DOK5: variants seen among roughly 807,000 people sequenced by gnomAD.
DOK5 encodes the protein docking protein 5.
DOK5 carries 27 observed loss-of-function variants against 43.3 expected under a neutral mutation model. That is an observed-to-expected ratio of 0.62 (90% CI 0.46 to 0.86). The LOEUF (loss-of-function observed/expected upper bound fraction) is 0.86, where lower values mean the gene tolerates loss of function less well. Ranked by LOEUF, DOK5 falls within the 40% of genes least tolerant of loss-of-function variation. DOK5 has a pLI of 0.00. For missense variants in DOK5, 373 were observed against 392.9 expected (o/e 0.95, Z 0.43); for synonymous variants, 146 against 140.1 (o/e 1.04, Z -0.30).
At chr20:54,531,499 T>G (rs1244732478) in intron 1 of DOK5, among the ~76,000 whole-genome samples, 1 of 152,232 alleles carries the variant, frequency 6.6e-6, no homozygotes, top group Non-Finnish European at 1.5e-5. Flanking sequence ...TTCCAGGGCT[T>G]TGCAATATTC....
intron 4 of DOK5, 59 bp downstream of exon 4, chr20:54,588,865 A>C: frequency 6.3e-7 from 1 of 1,583,614 alleles, no homozygotes; most frequent in Non-Finnish European, 8.6e-7. Context: ...CCATATGATA[A>C]AACATAAGAC....
intron 6 of DOK5, among the ~76,000 whole-genome samples, chr20:54,628,521 G>C (rs1382116468): frequency 1.4e-5 from 2 of 147,156 alleles, no homozygotes; most frequent in Non-Finnish European, 3.0e-5. Context: ...AACCAGAACT[G>C]ATGCACAGGA....
intron 6 of DOK5, among the ~76,000 whole-genome samples, chr20:54,623,655 A>G (rs1433519239): frequency 1.3e-5 from 2 of 151,934 alleles, no homozygotes; most frequent in African/African-American, 2.4e-5. Flanking sequence ...TCTTGGCTCA[A>G]TGCAACCTCC....
intron 1 of DOK5, among the ~76,000 whole-genome samples, chr20:54,525,525 GGCT>G: frequency 6.6e-6 from 1 of 152,104 alleles, no homozygotes; most frequent in Non-Finnish European, 1.5e-5. Context: ...AGACACTTAA[GGCT>G]ACAGGTAAGA....
intron 1 of DOK5, among the ~76,000 whole-genome samples, chr20:54,508,442 A>T (rs1376738196): frequency 6.6e-6 from 1 of 150,608 alleles, no homozygotes; most frequent in Admixed American, 6.7e-5. Context: ...TGTCACACAT[A>T]CGAGATGGCA....
intron 2 of DOK5, among the ~76,000 whole-genome samples, chr20:54,559,743 A>G (rs1984838463): frequency 6.6e-6 from 1 of 152,170 alleles, no homozygotes; most frequent in Non-Finnish European, 1.5e-5. Flanking sequence ...AAATAAATTT[A>G]ATTCTAGGGA....
intron 2 of DOK5, among the ~76,000 whole-genome samples, chr20:54,582,253 A>AAG: frequency 6.6e-6 from 1 of 151,750 alleles, no homozygotes; most frequent in Non-Finnish European, 1.5e-5. Flanking sequence ...TGCTGAATTC[A>AAG]GTTTGCTAGT....
chr20:54,520,304 C>A (rs1983350812), intron 1 of DOK5, among the ~76,000 whole-genome samples: 1 of 152,132 alleles, frequency 6.6e-6, no homozygotes, highest in South Asian at 2.1e-4. Flanking sequence ...GCTCTGTGTT[C>A]AAAACACATC....
chr20:54,504,104 C>A (rs367994393), intron 1 of DOK5, among the ~76,000 whole-genome samples: 4 of 152,064 alleles, frequency 2.6e-5, no homozygotes, highest in Admixed American at 6.5e-5. Flanking sequence ...GAGCTTCCAG[C>A]GGGGAAGCTC....
chr20:54,522,163 G>A (rs1382581785), intron 1 of DOK5, among the ~76,000 whole-genome samples: 2 of 152,150 alleles, frequency 1.3e-5, no homozygotes, highest in African/African-American at 2.4e-5. Context: ...TGGAAGAATT[G>A]TCTTGGGCCA....
At chr20:54,595,028 A>T (rs1002150819) in intron 5 of DOK5, among the ~76,000 whole-genome samples, 5 of 151,948 alleles carry the variant, frequency 3.3e-5, no homozygotes, top group African/African-American at 1.2e-4. Context: ...GTGTGTGTGT[A>T]TGTGATGTAA....
Position 54,496,765 on chromosome 20 carries a change from C to CAAA in DOK5, c.66+20772_66+20774dup, listed in dbSNP as rs74179280. Among the ~76,000 whole-genome samples, 531 of 59,234 alleles carry CAAA rather than the reference C, an allele frequency of 9.0e-3. 12 individuals are homozygous for CAAA. Among genetic ancestry groups the CAAA allele is most frequent in the African/African-American group, 0.018 (353 of 19,924 alleles). The allele number at this position is 59,234 out of a possible 152,430, so 38.9% of individuals were successfully genotyped here. On this transcript the variant is annotated intron_variant, in intron 1 of 7. Coordinates refer to ENST00000262593, the MANE Select transcript of DOK5 (RefSeq NM_018431.5). ...TGGGCGACAGAGCAAGACTCCGTCTCAAAAAAAAAAAAAAAAAAAAAGAAA... is the reference window on the plus strand; with the variant it reads ...TGGGCGACAGAGCAAGACTCCGTCTCAAAAAAAAAAAAAAAAAAAAAAAAGAAA...
At chr20:54,635,122 A>G (rs1978760674) in intron 6 of DOK5, among the ~76,000 whole-genome samples, 1 of 152,248 alleles carries the variant, frequency 6.6e-6, no homozygotes, top group Non-Finnish European at 1.5e-5. Context: ...AAAACTGACC[A>G]GCATTAACAT....
intron 5 of DOK5, among the ~76,000 whole-genome samples, chr20:54,607,888 AAAC>A (rs1986521054): frequency 1.7e-5 from 2 of 117,626 alleles, no homozygotes; most frequent in Admixed American, 8.2e-5. Flanking sequence ...ATCTAAAACA[AAAC>A]AAAACAAAAC....
chr20:54,576,589 G>A (rs901659738), intron 2 of DOK5, among the ~76,000 whole-genome samples: 2 of 152,160 alleles, frequency 1.3e-5, no homozygotes, highest in Non-Finnish European at 2.9e-5. Flanking sequence ...GTTGTGTAAC[G>A]AGTGAAGATT....
chr20:54,616,784 C>CTTTTTTTTTTTT (rs550110589), intron 6 of DOK5, among the ~76,000 whole-genome samples: 1 of 105,758 alleles, frequency 9.5e-6, no homozygotes, highest in African/African-American at 3.9e-5. Flanking sequence ...TTTTTTTTTT[C>CTTTTTTTTTTTT]TTTTTTTTTT....
chr20:54,644,719 A>AC (rs1158595115), intron 7 of DOK5, among the ~76,000 whole-genome samples: 19 of 127,938 alleles, frequency 1.5e-4, no homozygotes, highest in African/African-American at 4.3e-4. Context: ...AAAAAAAAAA[A>AC]AAAAACAAAA....
intron 2 of DOK5, among the ~76,000 whole-genome samples, chr20:54,564,324 G>A (rs753307982): frequency 2.6e-4 from 39 of 152,106 alleles, no homozygotes; most frequent in Non-Finnish European, 4.3e-4. Context: ...CCAGCTACTC[G>A]GGAGGCTGAG....
chr20:54,590,852 C>T (rs1001341890), intron 4 of DOK5, among the ~76,000 whole-genome samples: 4 of 152,122 alleles, frequency 2.6e-5, no homozygotes, highest in African/African-American at 9.7e-5. Context: ...CACTGAAAGA[C>T]TTTGACTCAA....
Sources: allele counts gnomAD v4.1 joint callset (sites outside exome capture counted in the v4.1 genomes callset), GRCh38; gene constraint gnomAD v4.1.1; transcripts MANE v1.5; gene names NCBI Gene and HGNC (gene_info 2026-07-23, HGNC 2026-07-21).